Variants in PTPRF observed in about 807,000 individuals in gnomAD.
The protein encoded by PTPRF is protein tyrosine phosphatase receptor type F.
PTPRF carries 59 observed loss-of-function variants against 201.8 expected under a neutral mutation model. That is an observed-to-expected ratio of 0.29 (90% CI 0.24 to 0.36). The LOEUF (loss-of-function observed/expected upper bound fraction) is 0.36, where lower values mean the gene tolerates loss of function less well. Among genes scored for constraint, PTPRF ranks in the 10% least tolerant of loss-of-function variants. The probability of loss-of-function intolerance (pLI) is 1.00; values close to 1 mark genes in which losing one functional copy is unlikely to be tolerated. For synonymous variants in PTPRF, 1,088 were observed against 1,089.7 expected (o/e 1.00, Z 0.03); for missense variants, 2,132 against 2,690.5 (o/e 0.79, Z 4.59).
chr1:43,532,166 C>T (rs764679094), intron 1 of PTPRF, among the ~76,000 whole-genome samples: 3 of 152,156 alleles, frequency 2.0e-5, no homozygotes, highest in Non-Finnish European at 4.4e-5. Flanking sequence ...GGTGTCTCTG[C>T]ACTCTCTGTG....
intron 2 of PTPRF, among the ~76,000 whole-genome samples, chr1:43,544,518 C>T (rs1262253421): frequency 6.6e-6 from 1 of 152,324 alleles, no homozygotes; most frequent in East Asian, 1.9e-4. Flanking sequence ...CCCACCTTCT[C>T]CCTCCCTGCT....
upstream of PTPRF, among the ~76,000 whole-genome samples, chr1:43,526,659 C>G (rs1348182642): frequency 2.0e-5 from 3 of 152,076 alleles, no homozygotes; most frequent in African/African-American, 4.8e-5. Context: ...TGACCTGCCC[C>G]CAGAAGAAAG....
At chr1:43,560,301 C>G (rs968609071) in intron 5 of PTPRF, among the ~76,000 whole-genome samples, 1 of 150,126 alleles carries the variant, frequency 6.7e-6, no homozygotes, top group Admixed American at 6.6e-5. Context: ...ATTTGTGCAG[C>G]AGGCCATGTG....
In PTPRF at chr1:43,606,265, G is replaced by A; in HGVS notation, c.3509G>A (p.Gly1170Glu). The change falls in exon 20 of 34, where the codon GGA (glycine) becomes GAA (glutamate). Residue 1170 changes from glycine (G) to glutamate (E), a missense_variant. Gly to Glu is a moderately conservative substitution (Grantham distance 98). Coordinates refer to ENST00000359947, the MANE Select transcript of PTPRF (RefSeq NM_002840.5). ...CTTCTAGAAGCCATCGAGCAAGGCG[G>A]AGAGGAGCAGCGGCGGCGGCGGCGG... Reference protein sequence around the residue: ...DELLEAIEQGGEEQRRRRRQA... With the variant: ...DELLEAIEQGEEEQRRRRRQA... 2 of 1,613,816 alleles carry A rather than the reference G, an allele frequency of 1.2e-6. No individual in the cohort carries two copies. The highest frequency in any genetic ancestry group is 1.1e-5 in the South Asian group (1 of 91,074).
intron 7 of PTPRF, among the ~76,000 whole-genome samples, chr1:43,584,255 G>A (rs1222355691): frequency 6.6e-6 from 1 of 152,154 alleles, no homozygotes; most frequent in Non-Finnish European, 1.5e-5. Flanking sequence ...TGAGCCTCAG[G>A]GAGCAAACCC....
chr1:43,570,771 G>T (rs753805841), intron 6 of PTPRF, among the ~76,000 whole-genome samples: 1 of 152,242 alleles, frequency 6.6e-6, no homozygotes, highest in South Asian at 2.1e-4. Context: ...AGCCACGGCC[G>T]CCTGAGACAG....
intron 20 of PTPRF, 41 bp from the exon 21 acceptor site, chr1:43,606,773 C>CA (rs1385932404): frequency 6.2e-7 from 1 of 1,600,772 alleles, no homozygotes; most frequent in South Asian, 1.1e-5. Flanking sequence ...GGGGGGTTCT[C>CA]ACGCTGAGCT....
In PTPRF at chr1:43,553,752, G is replaced by A; in HGVS notation, c.238-48G>A. 6.2e-7 allele frequency: 1 copy of A among 1,612,550 alleles called. No individual in the cohort carries two copies. Among genetic ancestry groups the A allele is most frequent in the Admixed American group, 1.7e-5 (1 of 59,980 alleles). On this transcript the variant is annotated intron_variant, in intron 4 of 33. Transcript: ENST00000359947. The surrounding 1 kb of genome is among the most constrained non-coding windows in gnomAD (Gnocchi z 4.1). ...TGGGAGGACAACTGACCCTGAGCAG[G>A]CTCCTGTGTCCTGAGTAGGCTGTGA...
intron 23 of PTPRF, among the ~76,000 whole-genome samples, chr1:43,614,919 T>G (rs1031902389): frequency 6.6e-6 from 1 of 152,076 alleles, no homozygotes; most frequent in Non-Finnish European, 1.5e-5. Context: ...GAGAGAGACC[T>G]CCTCCTCTTC....
chr1:43,532,250 T>C (rs1440961102), intron 1 of PTPRF, among the ~76,000 whole-genome samples: 1 of 152,118 alleles, frequency 6.6e-6, no homozygotes, highest in Non-Finnish European at 1.5e-5. Flanking sequence ...GGCTAGACTT[T>C]CTCCCCATTT....
chr1:43,617,377 C>T (rs895697578), intron 23 of PTPRF, 68 bp from the exon 24 acceptor site: 3 of 1,597,678 alleles, frequency 1.9e-6, no homozygotes, highest in Non-Finnish European at 2.6e-6. Flanking sequence ...AAGGCTGGGT[C>T]CCCTGCAGGA....
chr1:43,580,722 C>T (rs971796582), intron 7 of PTPRF, among the ~76,000 whole-genome samples: 2 of 152,250 alleles, frequency 1.3e-5, no homozygotes, highest in Admixed American at 6.5e-5. Context: ...CTGCCTCCTC[C>T]CACCCTGACT....
chr1:43,531,302 A>C (rs1570838512), intron 1 of PTPRF, among the ~76,000 whole-genome samples: 2 of 51,464 alleles, frequency 3.9e-5, no homozygotes, highest in African/African-American at 7.7e-5. Context: ...CTCCCCGCTC[A>C]CCCCGCGGCA....
intron 3 of PTPRF, among the ~76,000 whole-genome samples, chr1:43,551,675 A>C (rs997053725): frequency 1.3e-5 from 2 of 152,102 alleles, no homozygotes; most frequent in African/African-American, 4.8e-5. Flanking sequence ...CCGAGCCTCT[A>C]TTTCCCCACC....
upstream of PTPRF, among the ~76,000 whole-genome samples, chr1:43,527,033 C>A (rs1643145607): frequency 6.6e-6 from 1 of 152,190 alleles, no homozygotes; most frequent in African/African-American, 2.4e-5. Flanking sequence ...GGTAGAGACT[C>A]AAGCTGAATT....
Position 43,604,893 on chromosome 1 carries a change from G to A in PTPRF, c.3038-10G>A, listed in dbSNP as rs747369397. On this transcript the variant is annotated splice_polypyrimidine_tract_variant and intron_variant, in intron 16 of 33. Coordinates refer to ENST00000359947, the MANE Select transcript of PTPRF (RefSeq NM_002840.5). ...ACCCAGCAGAGCTGACTCTCTCTAT[G>A]CCTTTGCAGTGTTTGCCAAGAACTT... The A allele has an allele frequency of 6.2e-7, 1 of 1,612,536 alleles. No homozygotes were observed. The highest frequency in any genetic ancestry group is 1.1e-5 in the South Asian group (1 of 91,070).
chr1:43,611,789 C>G (rs1482705885), intron 22 of PTPRF, among the ~76,000 whole-genome samples: 1 of 152,154 alleles, frequency 6.6e-6, no homozygotes, highest in Non-Finnish European at 1.5e-5. Flanking sequence ...CGGGCTTAAG[C>G]CCACTTGGGG....
chr1:43,602,331 G>A (rs963052260), intron 14 of PTPRF, among the ~76,000 whole-genome samples: 1 of 152,228 alleles, frequency 6.6e-6, no homozygotes, highest in African/African-American at 2.4e-5. Flanking sequence ...GTTCATGATC[G>A]ACCAGGGCCT....
chr1:43,616,136 G>A lies in PTPRF; in HGVS notation c.4072-1309G>A, dbSNP rs550399915. Among the ~76,000 whole-genome samples, 3 of 152,004 alleles carry A rather than the reference G, an allele frequency of 2.0e-5. No individual in the cohort carries two copies. The East Asian group carries it at 5.8e-4, about 29-fold the overall frequency. ...CTCACGGAAGCAGTGACGCGGTCCTGTGGAGAGTAATGAGGCTGGGGACAA... is the reference window on the plus strand; with the variant it reads ...CTCACGGAAGCAGTGACGCGGTCCTATGGAGAGTAATGAGGCTGGGGACAA... On this transcript the variant is annotated intron_variant, in intron 23 of 33. Coordinates refer to ENST00000359947, the MANE Select transcript of PTPRF (RefSeq NM_002840.5).
Sources: gnomAD v4.1 joint callset for allele counts (sites outside exome capture counted in the v4.1 genomes callset) on GRCh38, gnomAD v4.1.1 for gene constraint, Gnocchi (gnomAD v3.1) non-coding constraint, MANE v1.5 for transcripts, NCBI Gene and HGNC (gene_info 2026-07-23, HGNC 2026-07-21) for gene names.